Variants in GLI2 observed in about 807,000 individuals in gnomAD.
The protein encoded by GLI2 is transcription activator GLI2.
In GLI2, 22 loss-of-function variants were observed where a neutral mutation model predicts 78.9. The ratio of observed to expected loss-of-function variants is 0.28; its 90% CI spans 0.20 to 0.40. The LOEUF is 0.40. Among genes scored for constraint, GLI2 ranks in the 10% least tolerant of loss-of-function variants. The pLI is 1.00. For missense variants in GLI2, 2,097 were observed against 2,213.2 expected (o/e 0.95, Z 1.05); for synonymous variants, 974 against 963.7 (o/e 1.01, Z -0.20).
intron 1 of GLI2, among the ~76,000 whole-genome samples, chr2:120,779,062 A>G (rs1281697301): frequency 6.6e-6 from 1 of 152,126 alleles, no homozygotes; most frequent in Non-Finnish European, 1.5e-5. Context: ...TCCCCTCCCT[A>G]TATACCCACA....
At position 120,988,649 on chromosome 2, in the gene GLI2, G is replaced by A; in HGVS notation, c.2684G>A (p.Ser895Asn). Residue 895 changes from serine (S) to asparagine (N), a missense_variant, in exon 14 of 14, where the codon AGC becomes AAC. By Grantham distance (46) the Ser-to-Asn change is conservative. This residue lies in a region of GLI2 where 1,290 missense variants were observed against 1,261.7 expected (regional missense o/e 1.02). Coordinates refer to ENST00000361492, the MANE Select transcript of GLI2 (RefSeq NM_001374353.1). ...CCGCTGCCGGGCCTGGAGCGCATGAGCCTGCGGACCAGGCTGGCGCTGCTG... is the reference window on the plus strand; with the variant it reads ...CCGCTGCCGGGCCTGGAGCGCATGAACCTGCGGACCAGGCTGGCGCTGCTG... ...PTPLPGLERM[S>N]LRTRLALLDA... The A allele has an allele frequency of 7.0e-7, 1 of 1,423,772 alleles. No individual in the cohort carries two copies. Among genetic ancestry groups the A allele is most frequent in the Non-Finnish European group, 9.2e-7 (1 of 1,092,832 alleles). The allele number at this position is 1,423,772 out of a possible 1,614,324, so 88.2% of individuals were successfully genotyped here.
intron 3 of GLI2, among the ~76,000 whole-genome samples, chr2:120,949,486 G>A (rs1014157170): frequency 2.6e-5 from 4 of 151,676 alleles, no homozygotes; most frequent in African/African-American, 9.8e-5. Context: ...TGGGAACCTG[G>A]CAGATGCACC....
At chr2:120,754,494 A>G (rs1245840817) in intron 1 of GLI2, among the ~76,000 whole-genome samples, 2 of 150,210 alleles carry the variant, frequency 1.3e-5, no homozygotes, top group Admixed American at 6.6e-5. Flanking sequence ...GTCATTTTCC[A>G]GAGCTTATAA....
At chr2:120,889,849 C>A (rs987889197) in intron 2 of GLI2, among the ~76,000 whole-genome samples, 3 of 152,144 alleles carry the variant, frequency 2.0e-5, no homozygotes, top group Non-Finnish European at 4.4e-5. Context: ...CAGGAGCACT[C>A]ACACATAGCT....
rs1682784448 is a variant in GLI2 at position 120,982,947 on chromosome 2, C to T, written c.1632+67C>T. ...CCACTGACGCCCCATGGCTTCCAGGCATCTGTAGTCCAGTAGATAGCCAGG... is the reference window on the plus strand; with the variant it reads ...CCACTGACGCCCCATGGCTTCCAGGTATCTGTAGTCCAGTAGATAGCCAGG... On this transcript the variant is annotated intron_variant, in intron 11 of 13. Coordinates refer to ENST00000361492, the MANE Select transcript of GLI2 (RefSeq NM_001374353.1). 4.6e-6 allele frequency: 7 copies of T among 1,507,104 alleles called. No individual in the cohort carries two copies. In the Admixed American group the frequency reaches 6.8e-5, roughly 15 times the overall value. 93.4% of individuals were successfully genotyped at this position (1,507,104 alleles called of 1,614,324 possible).
Position 120,984,627 on chromosome 2 carries a change from G to A in GLI2, c.1789G>A (p.Gly597Arg), listed in dbSNP as rs1203779849. The change falls in exon 12 of 14, where the codon GGG (glycine) becomes AGG (arginine). Residue 597 changes from glycine to arginine, a missense_variant. This residue lies in a region of GLI2 where 57 missense variants were observed against 44.5 expected (regional missense o/e 1.28). Transcript: ENST00000361492. ...CCGCACACCGCTGCTCAAAGAGAAT[G>A]GGGACAGTGAGGCCGGCACGGAGCC... is the stretch of plus-strand genomic sequence containing the variant. ...HLRTPLLKENGDSEAGTEPGG... is the reference protein window; with the variant it reads ...HLRTPLLKENRDSEAGTEPGG... 3 of 1,614,086 alleles carry A rather than the reference G, an allele frequency of 1.9e-6. No individual in the cohort carries two copies. The highest frequency in any genetic ancestry group is 2.2e-5 in the South Asian group (2 of 91,088).
intron 5 of GLI2, among the ~76,000 whole-genome samples, chr2:120,963,819 C>T (rs575972472): frequency 6.6e-6 from 1 of 152,232 alleles, no homozygotes; most frequent in South Asian, 2.1e-4. Context: ...GCATAACAGC[C>T]CCTTCTTTAT....
chr2:120,884,625 G>A (rs1402007231), intron 2 of GLI2, among the ~76,000 whole-genome samples: 1 of 152,116 alleles, frequency 6.6e-6, no homozygotes, highest in African/African-American at 2.4e-5. Context: ...CTTCCCCCAC[G>A]CTGGAGATAT....
intron 3 of GLI2, among the ~76,000 whole-genome samples, chr2:120,939,396 C>T (rs750731131): frequency 6.6e-6 from 1 of 152,174 alleles, no homozygotes. Context: ...TTTGAGGTCC[C>T]GTGTGCTCCC....
intron 1 of GLI2, among the ~76,000 whole-genome samples, chr2:120,787,847 G>A (rs1684040815): frequency 6.6e-6 from 1 of 152,154 alleles, no homozygotes; most frequent in South Asian, 2.1e-4. Context: ...TGGACAATAG[G>A]AATTTAGAAC....
chr2:120,802,046 C>T (rs1007454040), intron 2 of GLI2, among the ~76,000 whole-genome samples: 1 of 152,202 alleles, frequency 6.6e-6, no homozygotes, highest in Non-Finnish European at 1.5e-5. Flanking sequence ...CCTCAGTTCC[C>T]TCATCCATCC....
At chr2:120,819,771 A>G (rs1223714826) in intron 2 of GLI2, among the ~76,000 whole-genome samples, 1 of 152,194 alleles carries the variant, frequency 6.6e-6, no homozygotes, top group Non-Finnish European at 1.5e-5. Flanking sequence ...CCAAGCCCCC[A>G]GGGAGCTCAC....
chr2:120,919,403 G>A (rs1241566900), intron 2 of GLI2, among the ~76,000 whole-genome samples: 1 of 152,232 alleles, frequency 6.6e-6, no homozygotes, highest in African/African-American at 2.4e-5. Context: ...AAGAGTGCCC[G>A]ACCCGACGCA....
At chr2:120,927,529 C>A in intron 3 of GLI2, 63 bp downstream of exon 3, 3 of 1,091,042 alleles carry the variant, frequency 2.7e-6, no homozygotes, top group Non-Finnish European at 4.3e-6. Context: ...GAGGCTGGGC[C>A]GGCAGCCTCA....
intron 2 of GLI2, among the ~76,000 whole-genome samples, chr2:120,811,305 C>T (rs989321244): frequency 3.3e-5 from 5 of 152,168 alleles, no homozygotes; most frequent in Non-Finnish European, 5.9e-5. Context: ...AAGGAGTCCT[C>T]TGGTCATTCT....
rs144970612 is a variant in GLI2, at chr2:120,970,518, T to C, written c.971T>C (p.Leu324Pro). The C allele has an allele frequency of 1.1e-5, 17 of 1,614,118 alleles. No homozygotes were observed. The highest frequency in any genetic ancestry group is 6.6e-5 in the South Asian group (6 of 91,082). The stretch of plus-strand genomic sequence containing the variant: ...CTGATCCAGCCCTCACCCACCTTCC[T>C]GGCCCAGCAGCCCATGGCCCTCACC... The part of the protein sequence containing the change: ...PPLIQPSPTF[L>P]AQQPMALTSI... Residue 324 changes from leucine to proline, a missense_variant, in exon 7 of 14, where the codon CTG becomes CCG. This residue lies in a region of GLI2 where 578 missense variants were observed against 612.0 expected (regional missense o/e 0.94). Transcript: ENST00000361492.
intron 1 of GLI2, chr2:120,792,208 A>G (rs1484990708): frequency 1.3e-5 from 2 of 152,160 alleles, no homozygotes; most frequent in African/African-American, 4.8e-5. Flanking sequence ...TCTGATTACT[A>G]ATTTATTCTT....
chr2:120,790,800 A>T (rs1684131736), intron 1 of GLI2, among the ~76,000 whole-genome samples: 1 of 152,160 alleles, frequency 6.6e-6, no homozygotes, highest in Non-Finnish European at 1.5e-5. Context: ...CAGAGAAGGC[A>T]GAAACTGGTG....
At chr2:120,759,701 G>A (rs764744068) in intron 1 of GLI2, among the ~76,000 whole-genome samples, 27 of 152,062 alleles carry the variant, frequency 1.8e-4, no homozygotes, top group African/African-American at 4.1e-4. Context: ...TGATTAAACC[G>A]TTGGCCATTG....
Sources: allele counts gnomAD v4.1 joint callset (sites outside exome capture counted in the v4.1 genomes callset), GRCh38; gene constraint gnomAD v4.1.1; regional missense constraint gnomAD v4.1.1; transcripts MANE v1.5; gene names NCBI Gene and HGNC (gene_info 2026-07-23, HGNC 2026-07-21).